Variants in TRPV3 observed in about 807,000 individuals in gnomAD.
TRPV3 encodes the protein transient receptor potential cation channel subfamily V member 3.
In TRPV3, 88 loss-of-function variants were observed where a neutral mutation model predicts 87.1. The ratio of observed to expected loss-of-function variants is 1.01; its 90% CI spans 0.85 to 1.21. The LOEUF is 1.21. Ranked by LOEUF, TRPV3 falls within the 50% of genes most tolerant of loss-of-function variation. The pLI is 0.00. For missense variants in TRPV3, 1,054 were observed against 1,030.1 expected, an observed-to-expected ratio of 1.02 and a Z score of -0.32; for synonymous variants, 438 against 423.3, an observed-to-expected ratio of 1.03 and a Z score of -0.43.
Position 3,533,376 on chromosome 17 carries a change from C to T in TRPV3, c.785-439G>A, listed in dbSNP as rs528957698. ...TAGATAGCCCAGTCACTTTCTCCCT[C>T]ACCTCCTTCAAGTCCTTGCTCAAAT... On this transcript the variant is annotated intron_variant, in intron 7 of 17. Coordinates refer to ENST00000576742, the MANE Select transcript of TRPV3 (RefSeq NM_145068.4). 2.6e-5 allele frequency among the ~76,000 whole-genome samples: 4 copies of T among 152,318 alleles called. No individual in the cohort carries two copies. The South Asian group carries it at 8.3e-4, about 32-fold the overall frequency.
At chr17:3,538,591 A>AT (rs35630938) in intron 6 of TRPV3, among the ~76,000 whole-genome samples, 3 of 150,742 alleles carry the variant, frequency 2.0e-5, no homozygotes, top group African/African-American at 4.9e-5. Context: ...TTAAAAAAAA[A>AT]TTTTTTTTTT....
chr17:3,517,152 A>G (rs2074190346), intron 15 of TRPV3, among the ~76,000 whole-genome samples: 1 of 151,908 alleles, frequency 6.6e-6, no homozygotes, highest in Admixed American at 6.6e-5. Flanking sequence ...GATATAAATA[A>G]TATTTCTGAA....
At chr17:3,548,888 T>A (rs1157612124) in intron 2 of TRPV3, among the ~76,000 whole-genome samples, 2 of 152,208 alleles carry the variant, frequency 1.3e-5, no homozygotes, top group Non-Finnish European at 2.9e-5. Context: ...TTGGGCCAGA[T>A]GATCCCTAAG....
chr17:3,546,078 C>T (rs889311717), intron 2 of TRPV3, among the ~76,000 whole-genome samples: 16 of 151,720 alleles, frequency 1.1e-4, no homozygotes, highest in Non-Finnish European at 1.8e-4. Context: ...ACGTGTTGCA[C>T]GTGAAAAGGG....
At chr17:3,514,754 G>A (rs1287429695) in intron 16 of TRPV3, 82 bp from the exon 17 acceptor site, 2 of 1,070,596 alleles carry the variant, frequency 1.9e-6, no homozygotes, top group Non-Finnish European at 2.9e-6. Context: ...GGGACGTCCT[G>A]GTGTCTACAC....
chr17:3,540,561 A>T (rs1205084538), intron 6 of TRPV3, among the ~76,000 whole-genome samples: 15 of 152,336 alleles, frequency 9.8e-5, no homozygotes, highest in Admixed American at 8.5e-4. Flanking sequence ...TCATCCAAAA[A>T]ATATGTACTA....
At position 3,548,394 on chromosome 17, in the gene TRPV3, C is replaced by T. The variant is rs9906844; in HGVS notation, c.120-3123G>A. On this transcript the variant is annotated intron_variant, in intron 2 of 17. Coordinates refer to ENST00000576742, the MANE Select transcript of TRPV3 (RefSeq NM_145068.4). ...GAACCTGCTTCCCGACATCCAGGCT[C>T]ATAGTCCACACTGCAATCCATGCTT... is the stretch of plus-strand genomic sequence containing the variant. 4.3e-3 allele frequency among the ~76,000 whole-genome samples: 661 copies of T among 152,334 alleles called. 2 individuals carry two copies. The highest frequency in any genetic ancestry group is 0.015 in the African/African-American group (634 of 41,576).
chr17:3,534,420 C>T (rs1013415964), intron 7 of TRPV3, among the ~76,000 whole-genome samples: 2 of 152,002 alleles, frequency 1.3e-5, no homozygotes, highest in Non-Finnish European at 2.9e-5. Context: ...AAAAATAACA[C>T]CCAGAAGAGA....
At chr17:3,542,883 T>A (rs767826705) in intron 5 of TRPV3, among the ~76,000 whole-genome samples, 185 bp from the exon 6 acceptor site, 23 of 151,964 alleles carry the variant, frequency 1.5e-4, no homozygotes, top group Non-Finnish European at 2.8e-4. Context: ...CTATGCTGGC[T>A]CCTTGCTCTC....
chr17:3,539,893 G>A lies in TRPV3; in HGVS notation c.643+2629C>T, dbSNP rs534610861. Among the ~76,000 whole-genome samples, 19 of 152,052 alleles carry A rather than the reference G, an allele frequency of 1.2e-4. No individual in the cohort carries two copies. In the East Asian group the frequency reaches 3.5e-3, roughly 28 times the overall value. ...TGGTTCCTCTTAGCAGCATAGGGAG[G>A]AAATATTCGCCCTTGCCCAGTGGGG... On this transcript the variant is annotated intron_variant, in intron 6 of 17. Transcript: ENST00000576742.
At chr17:3,549,487 C>A (rs950621414) in intron 2 of TRPV3, among the ~76,000 whole-genome samples, 1 of 152,194 alleles carries the variant, frequency 6.6e-6, no homozygotes, top group African/African-American at 2.4e-5. Flanking sequence ...CCTTGATTCC[C>A]AACACTGGTC....
intron 13 of TRPV3, among the ~76,000 whole-genome samples, chr17:3,523,271 C>T (rs1410025255): frequency 6.6e-6 from 1 of 152,172 alleles, no homozygotes; most frequent in Admixed American, 6.5e-5. Context: ...AAGTTGCTCA[C>T]ATCATTGATA....
chr17:3,517,782 C>A (rs1280596314), intron 15 of TRPV3, among the ~76,000 whole-genome samples: 1 of 151,004 alleles, frequency 6.6e-6, no homozygotes, highest in Non-Finnish European at 1.5e-5. Context: ...TATCCAAAGG[C>A]ACGCTCACCT....
chr17:3,519,704 A>AGATG (rs145819534), intron 14 of TRPV3, among the ~76,000 whole-genome samples: 17,756 of 85,882 alleles, frequency 0.21, 1,535 homozygotes, highest in East Asian at 0.29. Flanking sequence ...ATGGATGGAT[A>AGATG]GATGGATGGA....
chr17:3,537,892 T>C (rs9903301), intron 6 of TRPV3, among the ~76,000 whole-genome samples: 1 of 101,474 alleles, frequency 9.9e-6, no homozygotes, highest in Non-Finnish European at 1.8e-5. Context: ...TCTGTCTTTT[T>C]AAAAAAAAAA....
rs995739108 is a variant in TRPV3, at chr17:3,530,376, C to T, written c.1066-173G>A. 7.0e-6 allele frequency: 4 copies of T among 568,152 alleles called. No individual in the cohort carries two copies. The highest frequency in any genetic ancestry group is 3.8e-5 in the African/African-American group (2 of 52,782). The allele number at this position is 568,152 out of a possible 1,614,324, so 35.2% of individuals were successfully genotyped here. The stretch of plus-strand genomic sequence containing the variant: ...GGGCCCCGTCTTTATCTGTGGAATG[C>T]GCACAAAGCTTGCTGTTCCGCCCAT... On this transcript the variant is annotated intron_variant, in intron 8 of 17. Transcript: ENST00000576742. This position sits in a 1 kb window ranked among gnomAD's most constrained non-coding sequence, Gnocchi z 4.0.
intron 13 of TRPV3, among the ~76,000 whole-genome samples, chr17:3,523,475 T>G (rs2074264652): frequency 6.6e-6 from 1 of 152,078 alleles, no homozygotes; most frequent in Non-Finnish European, 1.5e-5. Flanking sequence ...TCCCAGCACT[T>G]TGGGAGGCCG....
In TRPV3 at chr17:3,532,767, G is replaced by A. The variant is rs370662760; in HGVS notation, c.955C>T (p.Arg319Cys). The A allele has an allele frequency of 6.6e-5, 106 of 1,614,130 alleles. No homozygotes were observed. Among genetic ancestry groups the A allele is most frequent in the East Asian group, 2.9e-4 (13 of 44,902 alleles). ...CGCAGTAGGATCATGTCGTACATGC[G>A]CTTCACAAAGTCATTCTGCGTCTTG... is the stretch of plus-strand genomic sequence containing the variant. ...DFKTQNDFVK[R>C]MYDMILLRSG... The change falls in exon 8 of 18, where the codon CGC (arginine) becomes TGC (cysteine). Residue 319 changes from arginine to cysteine, a missense_variant. By Grantham distance (180) the Arg-to-Cys change is radical. Transcript: ENST00000576742.
chr17:3,546,421 G>C (rs1351177879), intron 2 of TRPV3, among the ~76,000 whole-genome samples: 1 of 137,540 alleles, frequency 7.3e-6, no homozygotes, highest in Non-Finnish European at 1.7e-5. Flanking sequence ...CAGTCTGGGC[G>C]ACAGAGCGAG....
Sources: gnomAD v4.1 joint callset for allele counts (sites outside exome capture counted in the v4.1 genomes callset) on GRCh38, gnomAD v4.1.1 for gene constraint, Gnocchi (gnomAD v3.1) non-coding constraint, MANE v1.5 for transcripts, NCBI Gene and HGNC (gene_info 2026-07-23, HGNC 2026-07-21) for gene names.